SLX4IP: variants seen among roughly 807,000 people sequenced by gnomAD.
The protein encoded by SLX4IP is protein SLX4IP.
SLX4IP carries 34 observed loss-of-function variants against 32.9 expected under a neutral mutation model. The ratio of observed to expected loss-of-function variants is 1.03; its 90% CI spans 0.79 to 1.38. The LOEUF (loss-of-function observed/expected upper bound fraction) is 1.38, where lower values mean the gene tolerates loss of function less well. SLX4IP is among the 40% of genes most tolerant of loss of function. SLX4IP has a pLI of 0.00. For synonymous variants in SLX4IP, 172 were observed against 171.7 expected (o/e 1.00, Z -0.01); for missense variants, 444 against 479.0 (o/e 0.93, Z 0.68).
chr20:10,599,585 A>C (rs953372056), intron 5 of SLX4IP, among the ~76,000 whole-genome samples: 8 of 149,030 alleles, frequency 5.4e-5, no homozygotes, highest in African/African-American at 1.5e-4. Context: ...TTTTTGGTAG[A>C]GAAGGGGTCT....
chr20:10,499,585 A>G (rs1190698474), intron 2 of SLX4IP, among the ~76,000 whole-genome samples: 11 of 152,210 alleles, frequency 7.2e-5, no homozygotes, highest in Non-Finnish European at 1.0e-4. Context: ...TTCCTGGCAC[A>G]GGAAATATTT....
chr20:10,610,079 G>C (rs1407022101), intron 6 of SLX4IP, among the ~76,000 whole-genome samples: 1 of 152,170 alleles, frequency 6.6e-6, no homozygotes, highest in Non-Finnish European at 1.5e-5. Flanking sequence ...TGTCACACTT[G>C]TTTGGCACCA....
At chr20:10,499,528 A>G (rs1376135426) in intron 2 of SLX4IP, among the ~76,000 whole-genome samples, 2 of 152,180 alleles carry the variant, frequency 1.3e-5, no homozygotes, top group Admixed American at 1.3e-4. Context: ...CTGTTGTATG[A>G]ATGATAATTT....
chr20:10,504,620 C>G (rs2065743223), intron 2 of SLX4IP, among the ~76,000 whole-genome samples: 1 of 152,142 alleles, frequency 6.6e-6, no homozygotes, highest in Admixed American at 6.5e-5. Context: ...TATTTCTCTC[C>G]TTGCAGCACA....
intron 4 of SLX4IP, among the ~76,000 whole-genome samples, chr20:10,565,073 C>T (rs937885863): frequency 5.3e-5 from 8 of 151,718 alleles, no homozygotes; most frequent in African/African-American, 1.7e-4. Flanking sequence ...CTCCCTTGGT[C>T]GAGGCCCGTC....
chr20:10,539,450 G>C (rs2066080016), intron 2 of SLX4IP, among the ~76,000 whole-genome samples: 1 of 152,042 alleles, frequency 6.6e-6, no homozygotes, highest in Admixed American at 6.6e-5. Context: ...AATTGGAGTG[G>C]AGGGTGACAT....
Position 10,598,733 on chromosome 20 carries a change from C to T in SLX4IP, c.297C>T (p.Ile99=). 1 of 1,614,094 alleles carries T rather than the reference C, an allele frequency of 6.2e-7. No homozygotes were observed. ...FLKRGIRLRC[I]RSTQNAELCV... ...AGAGAGGGATACGCCTTCGCTGCAT[C>T]AGGAGCACACAGAATGCTGGTAAGA... The change falls in exon 5 of 8, where the codon ATC becomes ATT. Residue 99 remains isoleucine, a synonymous_variant. Coordinates refer to ENST00000334534, the MANE Select transcript of SLX4IP (RefSeq NM_001009608.3).
At chr20:10,572,039 C>T (rs995846392) in intron 4 of SLX4IP, among the ~76,000 whole-genome samples, 3 of 152,134 alleles carry the variant, frequency 2.0e-5, no homozygotes, top group African/African-American at 7.2e-5. Context: ...CCTTACCGAG[C>T]GTCCACCCCT....
chr20:10,472,739 A>G (rs938954364), intron 2 of SLX4IP, among the ~76,000 whole-genome samples: 71 of 152,254 alleles, frequency 4.7e-4, no homozygotes, highest in Admixed American at 3.0e-3. Flanking sequence ...ACTCACTTCT[A>G]TAATAATTGT....
chr20:10,515,125 C>T (rs915752225), intron 2 of SLX4IP, among the ~76,000 whole-genome samples: 2 of 125,226 alleles, frequency 1.6e-5, no homozygotes, highest in African/African-American at 5.8e-5. Flanking sequence ...ACTCTTGTCA[C>T]CCAGGCTTGA....
intron 2 of SLX4IP, among the ~76,000 whole-genome samples, chr20:10,477,079 C>T (rs541425432): frequency 2.6e-5 from 4 of 152,246 alleles, no homozygotes; most frequent in South Asian, 4.1e-4. Context: ...TGGGTTTTCC[C>T]GTATCAAGAG....
intron 2 of SLX4IP, among the ~76,000 whole-genome samples, chr20:10,515,409 T>C (rs1337565685): frequency 4.6e-5 from 7 of 152,168 alleles, no homozygotes; most frequent in Admixed American, 4.6e-4. Flanking sequence ...TTTTGAGAAA[T>C]TATTTTCTGG....
intron 2 of SLX4IP, among the ~76,000 whole-genome samples, chr20:10,507,161 C>G (rs2065766546): frequency 6.6e-6 from 1 of 152,152 alleles, no homozygotes; most frequent in African/African-American, 2.4e-5. Flanking sequence ...GTCTCAGGGA[C>G]AGTGTTCTAA....
intron 2 of SLX4IP, among the ~76,000 whole-genome samples, chr20:10,514,439 A>G (rs1322947132): frequency 6.6e-6 from 1 of 152,218 alleles, no homozygotes; most frequent in Non-Finnish European, 1.5e-5. Context: ...TTTAACTGAC[A>G]TTAGGGCACC....
intron 2 of SLX4IP, among the ~76,000 whole-genome samples, chr20:10,535,231 G>A (rs543851516): frequency 1.3e-5 from 2 of 152,264 alleles, no homozygotes; most frequent in African/African-American, 2.4e-5. Context: ...TGCTGAGGAA[G>A]GGAAGTGTTG....
intron 4 of SLX4IP, among the ~76,000 whole-genome samples, chr20:10,565,667 G>A (rs2066384291): frequency 6.6e-6 from 1 of 152,222 alleles, no homozygotes; most frequent in East Asian, 1.9e-4. Context: ...TAGGATGATG[G>A]TCAACAATTT....
At chr20:10,498,738 C>CT (rs1163141909) in intron 2 of SLX4IP, among the ~76,000 whole-genome samples, 4 of 149,292 alleles carry the variant, frequency 2.7e-5, no homozygotes, top group Non-Finnish European at 5.9e-5. Context: ...ACCTGACACT[C>CT]TATTGTAATT....
Position 10,626,820 on chromosome 20 carries a change from A to G in SLX4IP, c.*3441A>G, listed in dbSNP as rs1040003839. 1 of 152,246 alleles carries G rather than the reference A, an allele frequency of 6.6e-6. No homozygotes were observed. Among genetic ancestry groups the G allele is most frequent in the African/African-American group, 2.4e-5 (1 of 41,454 alleles). The allele number at this position is 152,246 out of a possible 1,614,324, so 9.4% of individuals were successfully genotyped here. A position where few individuals can be genotyped will look rare whatever the true frequency, so the allele number is the denominator to read the frequency against. On this transcript the variant is annotated 3_prime_UTR_variant, in exon 8 of 8. Transcript: ENST00000334534. Reference sequence around the variant, plus strand: ...AAGTGTATTTCATTTTATAAAAAGCAAGAATCATAAAAACCCTCTGTATTT... The same window carrying G: ...AAGTGTATTTCATTTTATAAAAAGCGAGAATCATAAAAACCCTCTGTATTT...
chr20:10,458,815 A>G (rs1338203361), intron 2 of SLX4IP, among the ~76,000 whole-genome samples: 1 of 152,142 alleles, frequency 6.6e-6, no homozygotes, highest in East Asian at 1.9e-4. Flanking sequence ...TAGTGCTGCA[A>G]TGAACATACG....
Sources: allele counts gnomAD v4.1 joint callset (sites outside exome capture counted in the v4.1 genomes callset), GRCh38; gene constraint gnomAD v4.1.1; transcripts MANE v1.5; gene names NCBI Gene and HGNC (gene_info 2026-07-23, HGNC 2026-07-21).